TBC1D8: variants seen among roughly 807,000 people sequenced by gnomAD.
The protein encoded by TBC1D8 is BUB2-like protein 1.
In TBC1D8, 65 loss-of-function variants were observed where a neutral mutation model predicts 118.8. The ratio of observed to expected loss-of-function variants is 0.55; its 90% CI spans 0.45 to 0.67. The LOEUF (loss-of-function observed/expected upper bound fraction) is 0.67. Ranked by LOEUF, TBC1D8 falls within the 30% of genes least tolerant of loss-of-function variation. TBC1D8 has a pLI of 0.00. For missense variants in TBC1D8, 1,376 were observed against 1,471.2 expected (o/e 0.94, Z 1.06); for synonymous variants, 566 against 595.8 (o/e 0.95, Z 0.73).
chr2:101,070,480 T>C (rs1252174565), intron 2 of TBC1D8, among the ~76,000 whole-genome samples: 1 of 151,180 alleles, frequency 6.6e-6, no homozygotes, highest in Admixed American at 6.6e-5. Flanking sequence ...TGGCACAATA[T>C]CAGCTCACTG....
At chr2:101,097,442 C>T (rs13413245) in intron 1 of TBC1D8, among the ~76,000 whole-genome samples, 3,628 of 151,796 alleles carry the variant, frequency 0.024, 144 homozygotes, top group African/African-American at 0.082. Flanking sequence ...AAAAGATAAT[C>T]GTCTAAAGTA....
chr2:101,050,820 T>G (rs561198478), intron 4 of TBC1D8, among the ~76,000 whole-genome samples, 179 bp from the exon 5 acceptor site: 2 of 152,326 alleles, frequency 1.3e-5, no homozygotes, highest in South Asian at 4.1e-4. Context: ...GGTAAACTCA[T>G]GTCATGCGGG....
At chr2:101,009,949 G>A (rs1435366210) in intron 19 of TBC1D8, among the ~76,000 whole-genome samples, 3 of 151,550 alleles carry the variant, frequency 2.0e-5, no homozygotes, top group African/African-American at 4.9e-5. Context: ...AGCCTCCCGA[G>A]TAGCTGGGAC....
intron 1 of TBC1D8, among the ~76,000 whole-genome samples, chr2:101,116,373 G>GT (rs1417046336): frequency 1.3e-5 from 2 of 152,152 alleles, no homozygotes; most frequent in Non-Finnish European, 2.9e-5. Context: ...TGTGGCTTGG[G>GT]TAAGTAGCCT....
Position 101,043,707 on chromosome 2 carries a change from C to T in TBC1D8, c.873-3322G>A, listed in dbSNP as rs13418663. Among the ~76,000 whole-genome samples the T allele has an allele frequency of 2.5e-3, 382 of 152,192 alleles. 3 individuals are homozygous for T. The highest frequency in any genetic ancestry group is 8.3e-3 in the African/African-American group (344 of 41,530). On this transcript the variant is annotated intron_variant, in intron 5 of 19. Transcript: ENST00000409318. ...CTGTAATCCCAGCACTTTGGGAGGC[C>T]GAGCTGGGCAGATCACGAGGCCAGG... is the stretch of plus-strand genomic sequence containing the variant.
At chr2:101,044,588 C>A (rs1681586009) in intron 5 of TBC1D8, among the ~76,000 whole-genome samples, 1 of 152,170 alleles carries the variant, frequency 6.6e-6, no homozygotes, top group African/African-American at 2.4e-5. Flanking sequence ...CAGAACGTGG[C>A]CACACAAGCC....
intron 5 of TBC1D8, among the ~76,000 whole-genome samples, chr2:101,046,969 A>C (rs75240907): frequency 1.9e-4 from 29 of 150,830 alleles, no homozygotes; most frequent in South Asian, 1.2e-3. Context: ...TACCCTCCCC[A>C]AAAAAAACAG....
chr2:101,147,472 G>A (rs770789171), intron 1 of TBC1D8, among the ~76,000 whole-genome samples: 49 of 152,104 alleles, frequency 3.2e-4, no homozygotes, highest in Non-Finnish European at 5.0e-4. Flanking sequence ...TCACCAACAC[G>A]TTTTTCCTTT....
intron 1 of TBC1D8, among the ~76,000 whole-genome samples, chr2:101,115,628 A>G (rs1677784988): frequency 6.6e-6 from 1 of 152,064 alleles, no homozygotes; most frequent in Non-Finnish European, 1.5e-5. Flanking sequence ...GTCCATGCCT[A>G]TAATTCCAGC....
At chr2:101,034,554 C>T (rs577309241) in intron 9 of TBC1D8, among the ~76,000 whole-genome samples, 278 of 152,330 alleles carry the variant, frequency 1.8e-3, no homozygotes, top group Non-Finnish European at 3.4e-3. Context: ...GCCCAGGCCT[C>T]AGCGGGCGGG....
intron 2 of TBC1D8, among the ~76,000 whole-genome samples, chr2:101,076,645 G>A (rs1674842265): frequency 2.0e-5 from 3 of 152,252 alleles, no homozygotes; most frequent in Admixed American, 2.0e-4. Context: ...ACAGGTCAGT[G>A]GCATGAAAAG....
intron 1 of TBC1D8, among the ~76,000 whole-genome samples, chr2:101,121,646 C>A (rs1372651118): frequency 6.6e-6 from 1 of 152,256 alleles, no homozygotes; most frequent in Non-Finnish European, 1.5e-5. Flanking sequence ...GCTGCTAATA[C>A]CATCCTGCTG....
rs368163894 is a variant in TBC1D8, at chr2:101,060,430, G to A, written c.284-891C>T. Among the ~76,000 whole-genome samples, 4 of 152,298 alleles carry A rather than the reference G, an allele frequency of 2.6e-5. No homozygotes were observed. The East Asian group carries it at 5.8e-4, about 22-fold the overall frequency. On this transcript the variant is annotated intron_variant, in intron 2 of 19. Coordinates refer to ENST00000409318, the MANE Select transcript of TBC1D8 (RefSeq NM_001330348.2). ...CATACTTCATATCATTTATAGCAAT[G>A]ACCGTTAAAAACATACATAAAAAGA...
intron 1 of TBC1D8, among the ~76,000 whole-genome samples, chr2:101,132,628 G>A (rs1000429978): frequency 3.3e-5 from 5 of 152,150 alleles, no homozygotes; most frequent in African/African-American, 1.2e-4. Context: ...TCACTCTGCA[G>A]CCCAGGCTGG....
At chr2:101,078,696 C>T (rs12474525) in intron 2 of TBC1D8, among the ~76,000 whole-genome samples, 1 of 141,522 alleles carries the variant, frequency 7.1e-6, no homozygotes, top group Non-Finnish European at 1.5e-5. Context: ...TTTGGGACAT[C>T]TTTGAAAATC....
intron 19 of TBC1D8, among the ~76,000 whole-genome samples, chr2:101,008,676 GT>G (rs1678936887): frequency 6.6e-6 from 1 of 152,134 alleles, no homozygotes; most frequent in East Asian, 1.9e-4. Context: ...GCCAGGCATG[GT>G]GACCCATGCC....
chr2:101,109,717 G>A (rs371921198), intron 1 of TBC1D8: 1 of 854,262 alleles, frequency 1.2e-6, no homozygotes. Context: ...TGAGCACTGA[G>A]AGATGATGCC....
intron 1 of TBC1D8, among the ~76,000 whole-genome samples, chr2:101,140,563 T>G (rs762365255): frequency 1.3e-5 from 2 of 152,036 alleles, no homozygotes; most frequent in Non-Finnish European, 2.9e-5. Flanking sequence ...TGAGTTTAGA[T>G]TCTGTCTGCA....
chr2:101,064,077 C>A (rs1318924947), intron 2 of TBC1D8, among the ~76,000 whole-genome samples: 1 of 152,140 alleles, frequency 6.6e-6, no homozygotes, highest in African/African-American at 2.4e-5. Flanking sequence ...AGGAGAGCTG[C>A]TATTATGGCC....
Sources: gnomAD v4.1 joint callset for allele counts (sites outside exome capture counted in the v4.1 genomes callset) on GRCh38, gnomAD v4.1.1 for gene constraint, MANE v1.5 for transcripts, NCBI Gene and HGNC (gene_info 2026-07-23, HGNC 2026-07-21) for gene names.